The following EPHA3 variants were observed in gnomAD, a reference collection of about 807,000 sequenced individuals.
EPHA3 encodes ephrin type-A receptor 3.
A neutral mutation model predicts 107.1 loss-of-function variants in EPHA3; 42 were observed. That is an observed-to-expected ratio of 0.39 (90% CI 0.31 to 0.51). The LOEUF (loss-of-function observed/expected upper bound fraction) is 0.51, where lower values mean the gene tolerates loss of function less well. EPHA3 is among the 20% of genes least tolerant of loss of function. The pLI, the probability that EPHA3 is intolerant of heterozygous loss-of-function variation, is 0.78. For missense variants in EPHA3, 1,183 were observed against 1,211.2 expected, an observed-to-expected ratio of 0.98 and a Z score of 0.35; for synonymous variants, 461 against 424.8, an observed-to-expected ratio of 1.09 and a Z score of -1.05.
chr3:89,358,923 T>C (rs1192087645), intron 5 of EPHA3, among the ~76,000 whole-genome samples: 1 of 151,072 alleles, frequency 6.6e-6, no homozygotes, highest in African/African-American at 2.4e-5. Flanking sequence ...GCACATAGAA[T>C]ATGTGAACTT....
intron 9 of EPHA3, among the ~76,000 whole-genome samples, chr3:89,409,656 A>G (rs932525159): frequency 1.1e-4 from 16 of 152,084 alleles, no homozygotes; most frequent in African/African-American, 3.9e-4. Context: ...AAAGGCATAA[A>G]GTAACTTATA....
chr3:89,432,610 A>G (rs1709590982), intron 13 of EPHA3, among the ~76,000 whole-genome samples: 1 of 152,170 alleles, frequency 6.6e-6, no homozygotes, highest in Non-Finnish European at 1.5e-5. Context: ...TTTCCATGGT[A>G]GAAATTTAGA....
chr3:89,243,477 G>A (rs1349635422), intron 3 of EPHA3, among the ~76,000 whole-genome samples: 1 of 152,092 alleles, frequency 6.6e-6, no homozygotes, highest in Non-Finnish European at 1.5e-5. Context: ...TCTCATTGTG[G>A]TTTTGATTTG....
intron 2 of EPHA3, among the ~76,000 whole-genome samples, chr3:89,202,330 A>C (rs1346558440): frequency 6.6e-6 from 1 of 151,718 alleles, no homozygotes; most frequent in Non-Finnish European, 1.5e-5. Flanking sequence ...CACCGTCTCT[A>C]CTGAAAATAA....
chr3:89,456,584 C>T (rs73139296), intron 15 of EPHA3, among the ~76,000 whole-genome samples: 34,158 of 151,994 alleles, frequency 0.22, 4,135 homozygotes, highest in Non-Finnish European at 0.25. Context: ...TATAGCAGTA[C>T]CATTCTCAAA....
chr3:89,141,499 C>T (rs76917069), intron 2 of EPHA3, among the ~76,000 whole-genome samples: 131 of 151,658 alleles, frequency 8.6e-4, no homozygotes, highest in African/African-American at 3.0e-3. Flanking sequence ...CTTGGTTTCT[C>T]CTAGATCAAT....
chr3:89,134,407 C>T (rs1213094775), intron 2 of EPHA3, among the ~76,000 whole-genome samples: 1 of 148,130 alleles, frequency 6.8e-6, no homozygotes, highest in Non-Finnish European at 1.5e-5. Context: ...GTGATGTCCC[C>T]CTTCCTGTGT....
intron 3 of EPHA3, among the ~76,000 whole-genome samples, chr3:89,264,349 G>A (rs1364424762): frequency 6.6e-6 from 1 of 151,990 alleles, no homozygotes; most frequent in African/African-American, 2.4e-5. Flanking sequence ...AATTCCACTG[G>A]GTTTCAAGGC....
At chr3:89,446,663 A>G (rs1709881675) in intron 13 of EPHA3, among the ~76,000 whole-genome samples, 1 of 152,090 alleles carries the variant, frequency 6.6e-6, no homozygotes, top group Non-Finnish European at 1.5e-5. Flanking sequence ...CTAAATAGGT[A>G]CAAAGTTTTC....
chr3:89,170,671 A>G (rs1705191961), intron 2 of EPHA3, among the ~76,000 whole-genome samples: 2 of 152,208 alleles, frequency 1.3e-5, no homozygotes, highest in African/African-American at 4.8e-5. Context: ...AAATATAAAT[A>G]TTTAACCCTA....
intron 3 of EPHA3, among the ~76,000 whole-genome samples, chr3:89,305,826 C>G (rs559131586): frequency 2.6e-5 from 4 of 152,254 alleles, no homozygotes; most frequent in Non-Finnish European, 5.9e-5. Context: ...TTGTGTTAAT[C>G]AACTTCCTTG....
intron 6 of EPHA3, 26 bp downstream of exon 6, chr3:89,395,987 G>A (rs774973586): frequency 6.2e-7 from 1 of 1,611,024 alleles, no homozygotes; most frequent in South Asian, 1.1e-5. Context: ...TTAAGGGTTG[G>A]GCTGTGTAGG....
At chr3:89,448,611 A>C (rs1343581123) in intron 13 of EPHA3, among the ~76,000 whole-genome samples, 1 of 152,184 alleles carries the variant, frequency 6.6e-6, no homozygotes, top group Non-Finnish European at 1.5e-5. Flanking sequence ...TCTAATTTAT[A>C]TGGTGCTTGC....
At chr3:89,437,301 G>A (rs1169044344) in intron 13 of EPHA3, among the ~76,000 whole-genome samples, 1 of 152,018 alleles carries the variant, frequency 6.6e-6, no homozygotes, top group Non-Finnish European at 1.5e-5. Flanking sequence ...AGCTTTGAAA[G>A]CAGAACTGCA....
intron 11 of EPHA3, among the ~76,000 whole-genome samples, chr3:89,422,231 ACAG>A (rs1709365610): frequency 6.7e-6 from 1 of 149,036 alleles, no homozygotes; most frequent in Non-Finnish European, 1.5e-5. Flanking sequence ...ACACACACAC[ACAG>A]AGCGATTGTG....
intron 14 of EPHA3, among the ~76,000 whole-genome samples, chr3:89,449,626 A>G (rs999746857): frequency 3.9e-5 from 6 of 152,230 alleles, no homozygotes; most frequent in African/African-American, 1.4e-4. Flanking sequence ...ACGTAATGAA[A>G]AAAGTGACCA....
At chr3:89,314,072 C>G (rs1450598773) in intron 3 of EPHA3, among the ~76,000 whole-genome samples, 1 of 151,672 alleles carries the variant, frequency 6.6e-6, no homozygotes, top group Non-Finnish European at 1.5e-5. Flanking sequence ...CTCAACATGC[C>G]CTTGTCCATT....
chr3:89,423,352 G>T (rs536716793), intron 11 of EPHA3, among the ~76,000 whole-genome samples: 1 of 151,194 alleles, frequency 6.6e-6, no homozygotes, highest in Admixed American at 6.6e-5. Context: ...CTGCATGTAC[G>T]GTAAGGACAC....
At chr3:89,208,406 G>GGAAT in intron 2 of EPHA3, among the ~76,000 whole-genome samples, 1 of 48,692 alleles carries the variant, frequency 2.1e-5, no homozygotes, top group Non-Finnish European at 3.7e-5. Flanking sequence ...AGAAAAGGAA[G>GGAAT]GAAGGAAGGA....
Sources: allele counts gnomAD v4.1 joint callset (sites outside exome capture counted in the v4.1 genomes callset), GRCh38; gene constraint gnomAD v4.1.1; transcripts MANE v1.5; gene names NCBI Gene and HGNC (gene_info 2026-07-23, HGNC 2026-07-21).